The following NRAP variants were observed in gnomAD, a reference collection of about 807,000 sequenced individuals.
The protein encoded by NRAP is nebulin related anchoring protein.
Under a neutral mutation model 225.9 loss-of-function variants are expected in NRAP, and 189 were observed. The ratio of observed to expected loss-of-function variants is 0.84; its 90% CI spans 0.74 to 0.94. The LOEUF (loss-of-function observed/expected upper bound fraction) is 0.94, where lower values mean the gene tolerates loss of function less well. Ranked by LOEUF, NRAP falls within the 40% of genes least tolerant of loss-of-function variation. The pLI is 0.00. For synonymous variants in NRAP, 769 were observed against 790.7 expected (o/e 0.97, Z 0.46); for missense variants, 2,176 against 2,168.7 (o/e 1.00, Z -0.07).
chr10:113,589,375 A>G, intron 41 of NRAP: 1 of 570,004 alleles, frequency 1.8e-6, no homozygotes, highest in Non-Finnish European at 3.1e-6. Context: ...ACGAGCAAGC[A>G]GTCAGCACAG....
At chr10:113,626,845 AAATT>A (rs1848317919) in intron 20 of NRAP, among the ~76,000 whole-genome samples, 1 of 152,156 alleles carries the variant, frequency 6.6e-6, no homozygotes, top group South Asian at 2.1e-4. Context: ...TCACAGCCAC[AAATT>A]AATTGGCAAA....
chr10:113,656,833 G>A (rs971413814), intron 4 of NRAP, among the ~76,000 whole-genome samples: 2 of 152,244 alleles, frequency 1.3e-5, no homozygotes, highest in Admixed American at 1.3e-4. Context: ...GACGAGAGTG[G>A]GTACTTGTAC....
intron 4 of NRAP, among the ~76,000 whole-genome samples, chr10:113,654,778 T>C (rs577689331): frequency 6.6e-6 from 1 of 152,308 alleles, no homozygotes; most frequent in South Asian, 2.1e-4. Context: ...TGGCATCCAC[T>C]TTAGAAGGTC....
intron 35 of NRAP, among the ~76,000 whole-genome samples, chr10:113,600,155 T>TTCTCTCTCTCTC (rs10529111): frequency 0.034 from 4,761 of 140,184 alleles, 106 homozygotes; most frequent in Non-Finnish European, 0.041. Context: ...AGGGGTTATA[T>TTCTCTCTCTCTC]TCTCTCTCTC....
At position 113,633,453 on chromosome 10, in the gene NRAP, G is replaced by A. The variant is rs530694820; in HGVS notation, c.1528-265C>T. Among the ~76,000 whole-genome samples the A allele has an allele frequency of 2.6e-5, 4 of 152,216 alleles. No individual in the cohort carries two copies. The South Asian group carries it at 6.2e-4, about 24-fold the overall frequency. ...ACTGCTTCACCAACTCCCCTTACAC[G>A]CACTTGAGAATATTGAACTTTTTAA... is the stretch of plus-strand genomic sequence containing the variant. On this transcript the variant is annotated intron_variant, in intron 15 of 41. Transcript: ENST00000359988.
Position 113,589,798 on chromosome 10 carries a change from C to G in NRAP, c.4957-1G>C. 6.2e-7 allele frequency: 1 copy of G among 1,613,578 alleles called. No individual in the cohort carries two copies. The highest frequency in any genetic ancestry group is 8.5e-7 in the Non-Finnish European group (1 of 1,179,826). On this transcript the variant is annotated splice_acceptor_variant, in intron 40 of 41. Transcript: ENST00000359988. LOFTEE classifies it high-confidence loss of function. Reference sequence around the variant, plus strand: ...GGTTCAAGTCTGATTTATACTTGACCTTGAGGGTAAGAGGGAAGCAAGAGG... The same window carrying G: ...GGTTCAAGTCTGATTTATACTTGACGTTGAGGGTAAGAGGGAAGCAAGAGG...
At chr10:113,628,521 T>G (rs3121457) in intron 20 of NRAP, among the ~76,000 whole-genome samples, 44,014 of 152,060 alleles carry the variant, frequency 0.29, 6,585 homozygotes, top group Admixed American at 0.36. Context: ...TAAGTGACTT[T>G]TCTGAAATCT....
chr10:113,633,998 T>A, intron 15 of NRAP, 114 bp downstream of exon 15: 1 of 724,268 alleles, frequency 1.4e-6, no homozygotes. Flanking sequence ...CTGGCTGTAA[T>A]AAGACATGTG....
chr10:113,641,254 C>T, intron 13 of NRAP, 111 bp downstream of exon 13: 1 of 668,592 alleles, frequency 1.5e-6, no homozygotes, highest in Non-Finnish European at 2.5e-6. Context: ...TTTACACAGT[C>T]TTTAAAATAG....
chr10:113,634,956 A>T (rs1848783289), intron 14 of NRAP, among the ~76,000 whole-genome samples: 1 of 152,006 alleles, frequency 6.6e-6, no homozygotes, highest in Non-Finnish European at 1.5e-5. Context: ...CCTGGCCCTC[A>T]CTTCCACCTT....
rs1432755481 is a variant in NRAP, at chr10:113,631,962, A to G, written c.1635T>C (p.Val545=). ...AKTNAKLFSE[V]KYKEGWEKTK... is the part of the protein sequence containing the mutation. ...TCTTCTCCCAGCCTTCTTTATACTTAACCTGACAAACAAAACCACAAGTGA... is the reference window on the plus strand; with the variant it reads ...TCTTCTCCCAGCCTTCTTTATACTTGACCTGACAAACAAAACCACAAGTGA... The change falls in exon 17 of 42, where the codon GTT becomes GTC. Residue 545 remains valine (V), a splice_region_variant and synonymous_variant. Coordinates refer to ENST00000359988, the MANE Select transcript of NRAP (RefSeq NM_198060.4). 9 of 1,584,234 alleles carry G rather than the reference A, an allele frequency of 5.7e-6. No individual in the cohort carries two copies. Among genetic ancestry groups the G allele is most frequent in the Non-Finnish European group, 7.8e-6 (9 of 1,153,070 alleles).
chr10:113,662,926 T>C (rs146843174), intron 2 of NRAP, among the ~76,000 whole-genome samples, 160 bp from the exon 3 acceptor site: 60 of 152,224 alleles, frequency 3.9e-4, no homozygotes, highest in Non-Finnish European at 6.6e-4. Context: ...CAATGCATCT[T>C]ACAGAAAAAA....
intron 31 of NRAP, among the ~76,000 whole-genome samples, chr10:113,609,756 C>T (rs1847212215): frequency 6.6e-6 from 1 of 151,906 alleles, no homozygotes; most frequent in African/African-American, 2.4e-5. Flanking sequence ...GGTCACACAG[C>T]AAATCAGTGC....
In NRAP at chr10:113,590,847, T is replaced by C. The variant is rs750502314; in HGVS notation, c.4687A>G (p.Ile1563Val). 25 of 1,614,078 alleles carry C rather than the reference T, an allele frequency of 1.5e-5. No individual in the cohort carries two copies. The highest frequency in any genetic ancestry group is 2.0e-5 in the Non-Finnish European group (24 of 1,180,032). ...EAFLRDRGLQ[I>V]GYRSVDDDPR... ...TCATCGTCGACACTGCGGTACCCGA[T>C]CTGCAGGCCTCGGTCCCGCAGGAAA... Residue 1563 changes from isoleucine (I) to valine (V), a missense_variant, in exon 40 of 42, where the codon ATC becomes GTC. Ile to Val is a conservative substitution (Grantham distance 29). Transcript: ENST00000359988.
chr10:113,647,118 C>A (rs1849563849), intron 9 of NRAP, 91 bp from the exon 10 acceptor site: 3 of 819,622 alleles, frequency 3.7e-6, no homozygotes, highest in South Asian at 1.4e-5. Flanking sequence ...CCTATTCTCA[C>A]AGAGGTTCAT....
chr10:113,663,972 C>A lies in NRAP; in HGVS notation c.-90G>T, dbSNP rs888890296. ...TCTAGTTCAAGTCTTCAAAATCCGA[C>A]GACCATAAAATTCCTGTGGGCACCT... On this transcript the variant is annotated 5_prime_UTR_variant, in exon 1 of 42. Transcript: ENST00000359988. 3 of 996,078 alleles carry A rather than the reference C, an allele frequency of 3.0e-6. No homozygotes were observed. Among genetic ancestry groups the A allele is most frequent in the African/African-American group, 3.2e-5 (2 of 62,442 alleles). 61.7% of individuals were successfully genotyped at this position (996,078 alleles called of 1,614,324 possible).
At chr10:113,646,813 CT>C in intron 10 of NRAP, 109 bp downstream of exon 10, 1 of 791,048 alleles carries the variant, frequency 1.3e-6, no homozygotes, top group African/African-American at 1.7e-5. Flanking sequence ...TAACATTCTA[CT>C]TTGGCTCAGC....
Position 113,624,759 on chromosome 10 carries a change from T to G in NRAP, c.2349+67A>C, listed in dbSNP as rs1479863842. ...AGACACTATGCCATGGCTGGTGGGC[T>G]TGGTTTACCAGGTGGCTATACACAA... is the stretch of plus-strand genomic sequence containing the variant. On this transcript the variant is annotated intron_variant, in intron 22 of 41. Coordinates refer to ENST00000359988, the MANE Select transcript of NRAP (RefSeq NM_198060.4). 4 of 1,113,154 alleles carry G rather than the reference T, an allele frequency of 3.6e-6. No individual in the cohort carries two copies. The African/African-American group carries it at 6.1e-5, about 17-fold the overall frequency. 69.0% of individuals were successfully genotyped at this position (1,113,154 alleles called of 1,614,324 possible).
At chr10:113,625,094 AGAT>A (rs1389604239) in intron 21 of NRAP, among the ~76,000 whole-genome samples, 164 bp from the exon 22 acceptor site, 2 of 152,150 alleles carry the variant, frequency 1.3e-5, no homozygotes, top group Non-Finnish European at 2.9e-5. Flanking sequence ...ACAGTCAAGG[AGAT>A]GATGAGAGAA....
Sources: allele counts gnomAD v4.1 joint callset (sites outside exome capture counted in the v4.1 genomes callset), GRCh38; gene constraint gnomAD v4.1.1; transcripts MANE v1.5; gene names NCBI Gene and HGNC (gene_info 2026-07-23, HGNC 2026-07-21).